The following TULP4 variants were observed in gnomAD, a reference collection of about 807,000 sequenced individuals.
The protein encoded by TULP4 is TUB like protein 4.
Under a neutral mutation model 129.0 loss-of-function variants are expected in TULP4, and 16 were observed. That is an observed-to-expected ratio of 0.12 (90% CI 0.08 to 0.19). TULP4 has a LOEUF of 0.19. Ranked by LOEUF, TULP4 falls within the 10% of genes least tolerant of loss-of-function variation. The pLI, the probability that TULP4 is intolerant of heterozygous loss-of-function variation, is 1.00. For missense variants in TULP4, 1,842 were observed against 2,059.1 expected (o/e 0.89, Z 2.04); for synonymous variants, 998 against 854.0 (o/e 1.17, Z -2.94).
intron 2 of TULP4, among the ~76,000 whole-genome samples, chr6:158,423,577 TTATA>T (rs1171999755): frequency 6.6e-6 from 1 of 152,210 alleles, no homozygotes; most frequent in Non-Finnish European, 1.5e-5. Context: ...TATGGGCCAA[TTATA>T]AATTAAATTT....
At chr6:158,481,763 T>C (rs1357621097) in intron 8 of TULP4, among the ~76,000 whole-genome samples, 4 of 152,224 alleles carry the variant, frequency 2.6e-5, no homozygotes. Flanking sequence ...CTAATGACAA[T>C]GTTTTGCTCA....
At chr6:158,479,059 C>T (rs1432854108) in intron 6 of TULP4, among the ~76,000 whole-genome samples, 2 of 152,140 alleles carry the variant, frequency 1.3e-5, no homozygotes, top group South Asian at 2.1e-4. Flanking sequence ...AGGGTCCCCA[C>T]TCATGAGAAA....
chr6:158,391,862 G>T (rs1292625674), intron 1 of TULP4, among the ~76,000 whole-genome samples: 1 of 152,132 alleles, frequency 6.6e-6, no homozygotes, highest in Non-Finnish European at 1.5e-5. Flanking sequence ...TTTCCTCTGA[G>T]ATGTAAGGAA....
chr6:158,492,755 A>G (rs1181962670), intron 9 of TULP4, among the ~76,000 whole-genome samples: 1 of 152,160 alleles, frequency 6.6e-6, no homozygotes, highest in African/African-American at 2.4e-5. Flanking sequence ...AAACCAGTAT[A>G]TATGAGACTT....
intron 3 of TULP4, among the ~76,000 whole-genome samples, chr6:158,436,320 G>A (rs1341511855): frequency 2.6e-5 from 4 of 152,138 alleles, no homozygotes; most frequent in Non-Finnish European, 5.9e-5. Flanking sequence ...ATAGATGATT[G>A]TGCTCAAACC....
chr6:158,277,833 A>C (rs533659633), upstream of TULP4, among the ~76,000 whole-genome samples: 1 of 152,210 alleles, frequency 6.6e-6, no homozygotes, highest in Non-Finnish European at 1.5e-5. Context: ...AGTCCCAGGT[A>C]CCAGAGATAT....
At position 158,503,508 on chromosome 6, in the gene TULP4, A is replaced by T; in HGVS notation, c.3845A>T (p.Lys1282Met). The change falls in exon 13 of 14, where the codon AAG (lysine) becomes ATG (methionine). Residue 1282 changes from lysine (K) to methionine (M), a missense_variant. Physicochemically the swap from Lys to Met is moderately conservative, Grantham distance 95 (BLOSUM62 -1). Coordinates refer to ENST00000367097, the MANE Select transcript of TULP4 (RefSeq NM_020245.5). The surrounding 1 kb of genome is among the most constrained non-coding windows in gnomAD (Gnocchi z 4.3). ...MQNPQGTLPP[K>M]PHLVVEKPLV... ...AACCCCCAGGGCACTCTCCCCCCAA[A>T]GCCACACTTGGTGGTGGAGAAGCCC... The T allele has an allele frequency of 1.9e-6, 3 of 1,613,830 alleles. No homozygotes were observed. Among genetic ancestry groups the T allele is most frequent in the Non-Finnish European group, 2.5e-6 (3 of 1,179,964 alleles).
intron 6 of TULP4, among the ~76,000 whole-genome samples, chr6:158,474,628 G>A (rs1441357108): frequency 1.3e-5 from 2 of 152,000 alleles, no homozygotes; most frequent in Non-Finnish European, 2.9e-5. Context: ...TTTACTTCAC[G>A]GAATTTCACT....
At position 158,390,151 on chromosome 6, in the gene TULP4, T is replaced by C. The variant is rs188268740; in HGVS notation, c.253-22914T>C. Reference sequence around the variant, plus strand: ...TCAAAGGATAAAAAAGTATATAAAATGATATAACTTCTCTAGTATCCAAAG... The same window carrying C: ...TCAAAGGATAAAAAAGTATATAAAACGATATAACTTCTCTAGTATCCAAAG... On this transcript the variant is annotated intron_variant, in intron 1 of 13. Coordinates refer to ENST00000367097, the MANE Select transcript of TULP4 (RefSeq NM_020245.5). Among the ~76,000 whole-genome samples, 123 of 152,204 alleles carry C rather than the reference T, an allele frequency of 8.1e-4. 3 individuals are homozygous for C. Among genetic ancestry groups the C allele is most frequent in the Non-Finnish European group, 1.9e-4 (13 of 68,020 alleles).
chr6:158,336,175 C>G (rs925686043), intron 1 of TULP4, among the ~76,000 whole-genome samples: 5 of 152,132 alleles, frequency 3.3e-5, no homozygotes, highest in Non-Finnish European at 7.4e-5. Context: ...ATTTGGATAT[C>G]TCCTATTATG....
intron 1 of TULP4, among the ~76,000 whole-genome samples, chr6:158,275,470 A>G (rs1404827643): frequency 1.3e-5 from 2 of 152,130 alleles, no homozygotes; most frequent in African/African-American, 2.4e-5. Flanking sequence ...ACCAATTCAT[A>G]TTCTCCTGGC....
At chr6:158,505,485 G>A (rs1417491993) in intron 13 of TULP4, among the ~76,000 whole-genome samples, 4 of 152,238 alleles carry the variant, frequency 2.6e-5, no homozygotes, top group African/African-American at 7.2e-5. Context: ...GGTAAAAACC[G>A]TGTGACCCAC....
chr6:158,397,729 C>T (rs1050021668), intron 1 of TULP4, among the ~76,000 whole-genome samples: 31 of 152,318 alleles, frequency 2.0e-4, no homozygotes, highest in East Asian at 7.7e-4. Flanking sequence ...GAGCCTCAGC[C>T]GGCCCACGTG....
intron 1 of TULP4, among the ~76,000 whole-genome samples, chr6:158,262,167 G>C (rs928358446): frequency 3.9e-5 from 6 of 152,202 alleles, no homozygotes; most frequent in African/African-American, 1.4e-4. Flanking sequence ...AGAAGCACCA[G>C]TGCCTTCATT....
intron 1 of TULP4, among the ~76,000 whole-genome samples, chr6:158,408,692 C>CAGG (rs1778021270): frequency 6.6e-6 from 1 of 152,132 alleles, no homozygotes; most frequent in African/African-American, 2.4e-5. Context: ...ACTCCAGAGC[C>CAGG]CGCCTTCCTC....
upstream of TULP4, chr6:158,311,951 G>A (rs1429220385): frequency 3.0e-5 from 12 of 393,534 alleles, no homozygotes; most frequent in Non-Finnish European, 5.4e-5. Flanking sequence ...TAAGTGTAAA[G>A]ATGGGTCTCT....
chr6:158,474,513 C>T (rs1215115512), intron 6 of TULP4, among the ~76,000 whole-genome samples: 1 of 152,172 alleles, frequency 6.6e-6, no homozygotes, highest in Admixed American at 6.5e-5. Context: ...TAGATTTCTC[C>T]TCTCAGCCAG....
chr6:158,257,622 C>G (rs1778273970), intron 1 of TULP4, among the ~76,000 whole-genome samples: 1 of 152,126 alleles, frequency 6.6e-6, no homozygotes, highest in Non-Finnish European at 1.5e-5. Flanking sequence ...GGTTTTGCAG[C>G]TTGCATTTAC....
intron 1 of TULP4, chr6:158,237,988 A>G (rs1777752604): frequency 2.8e-6 from 2 of 723,708 alleles, no homozygotes; most frequent in Non-Finnish European, 5.2e-6. Flanking sequence ...AGCTTCTTTT[A>G]TCAAGGACAA....
Sources: allele counts gnomAD v4.1 joint callset (sites outside exome capture counted in the v4.1 genomes callset), GRCh38; gene constraint gnomAD v4.1.1; non-coding constraint Gnocchi (gnomAD v3.1); transcripts MANE v1.5; gene names NCBI Gene and HGNC (gene_info 2026-07-23, HGNC 2026-07-21).